Variants in UFSP2 observed in about 807,000 individuals in gnomAD.
The protein encoded by UFSP2 is ufm1-specific protease 2.
UFSP2 carries 43 observed loss-of-function variants against 60.2 expected under a neutral mutation model. The observed-to-expected ratio is 0.71, with a 90% CI of 0.56 to 0.92. UFSP2 has a LOEUF of 0.92. Among genes scored for constraint, UFSP2 ranks in the 40% least tolerant of loss-of-function variants. The pLI, the probability that UFSP2 is intolerant of heterozygous loss-of-function variation, is 0.00. For missense variants in UFSP2, 520 were observed against 575.0 expected (o/e 0.90, Z 0.98); for synonymous variants, 183 against 195.1 (o/e 0.94, Z 0.52).
At position 185,408,493 on chromosome 4, in the gene UFSP2, A is replaced by G. The variant is rs1385126750; in HGVS notation, c.832-58T>C. ...AACTTAGGATAGAAGTACATATTCT[A>G]TATATGCTCCCGAATTATGTTTAAT... On this transcript the variant is annotated intron_variant, in intron 7 of 11. Transcript: ENST00000264689. 2.6e-6 allele frequency: 4 copies of G among 1,520,348 alleles called. No individual in the cohort carries two copies. In the East Asian group the frequency reaches 6.8e-5, roughly 26 times the overall value. The allele number at this position is 1,520,348 out of a possible 1,614,324, so 94.2% of individuals were successfully genotyped here. A position where few individuals can be genotyped will look rare whatever the true frequency, so the allele number is the denominator to read the frequency against.
intron 10 of UFSP2, among the ~76,000 whole-genome samples, chr4:185,404,462 A>AT (rs370966574): frequency 5.5e-4 from 83 of 151,580 alleles, no homozygotes; most frequent in African/African-American, 2.0e-3. Context: ...CACCCAGCGA[A>AT]TTTTTTGTAT....
chr4:185,411,263 GT>G (rs1343303254), intron 7 of UFSP2, among the ~76,000 whole-genome samples: 2 of 151,716 alleles, frequency 1.3e-5, no homozygotes, highest in African/African-American at 2.4e-5. Context: ...AACTAAATTG[GT>G]TACTAAAAAT....
intron 6 of UFSP2, among the ~76,000 whole-genome samples, chr4:185,414,550 TCG>T (rs2095535008): frequency 6.6e-6 from 1 of 152,136 alleles, no homozygotes; most frequent in African/African-American, 2.4e-5. Context: ...CAGGGTATTC[TCG>T]CTCTCCCTAA....
In UFSP2 at chr4:185,401,240, A is replaced by C. The variant is rs2095512916; in HGVS notation, c.1324-762T>G. Among the ~76,000 whole-genome samples the C allele has an allele frequency of 2.0e-5, 3 of 152,180 alleles. No homozygotes were observed. In the South Asian group the frequency reaches 6.2e-4, roughly 31 times the overall value. On this transcript the variant is annotated intron_variant, in intron 11 of 11. Coordinates refer to ENST00000264689, the MANE Select transcript of UFSP2 (RefSeq NM_018359.5). ...CCTAATAAGATACACGTTGTCAAAA[A>C]ACAAGATAAAAGTAAAAAATCCTCT...
intron 1 of UFSP2, among the ~76,000 whole-genome samples, chr4:185,425,651 G>T (rs1380439975): frequency 6.6e-6 from 1 of 152,224 alleles, no homozygotes; most frequent in African/African-American, 2.4e-5. Context: ...CGTGTCCAAG[G>T]TGGCCGAGGC....
chr4:185,403,451 C>T (rs1223828240), intron 11 of UFSP2, 43 bp downstream of exon 11: 1 of 1,599,646 alleles, frequency 6.3e-7, no homozygotes, highest in Non-Finnish European at 8.5e-7. Context: ...TCATTTCTAG[C>T]TTCTTTGCCT....
intron 1 of UFSP2, among the ~76,000 whole-genome samples, 180 bp downstream of exon 1, chr4:185,425,685 CT>C (rs922541879): frequency 6.6e-6 from 1 of 152,018 alleles, no homozygotes; most frequent in Non-Finnish European, 1.5e-5. Context: ...GTGTAGGGCA[CT>C]TTCCCCCCGG....
Position 185,425,924 on chromosome 4 carries a change from C to T in UFSP2, c.-56G>A, listed in dbSNP as rs2095559510. 1 of 1,567,080 alleles carries T rather than the reference C, an allele frequency of 6.4e-7. No homozygotes were observed. Among genetic ancestry groups the T allele is most frequent in the Non-Finnish European group, 8.6e-7 (1 of 1,156,106 alleles). The stretch of plus-strand genomic sequence containing the variant: ...ACGCCTGCCCAAAAGTTCCGGGGGC[C>T]GGCCCTGAAGTGGTGTCACCGCACG... On this transcript the variant is annotated 5_prime_UTR_variant, in exon 1 of 12. Transcript: ENST00000264689.
Position 185,418,660 on chromosome 4 carries a change from T to C in UFSP2, c.193A>G (p.Ser65Gly). The C allele has an allele frequency of 6.2e-7, 1 of 1,614,030 alleles. No homozygotes were observed. The highest frequency in any genetic ancestry group is 8.5e-7 in the Non-Finnish European group (1 of 1,180,000). The change falls in exon 3 of 12, where the codon AGC becomes GGC. Residue 65 changes from serine to glycine, a missense_variant. Transcript: ENST00000264689. Reference protein sequence around the residue: ...ICHSSVYIWPSSDINTIPGEL... With the variant: ...ICHSSVYIWPGSDINTIPGEL... ...CCAGGAATGGTGTTTATGTCACTGCTAGGCCATATATACACTGAACTGTGG... is the reference window on the plus strand; with the variant it reads ...CCAGGAATGGTGTTTATGTCACTGCCAGGCCATATATACACTGAACTGTGG...
At chr4:185,411,852 G>A (rs952039538) in intron 7 of UFSP2, among the ~76,000 whole-genome samples, 1 of 152,192 alleles carries the variant, frequency 6.6e-6, no homozygotes, top group Non-Finnish European at 1.5e-5. Context: ...GAGTGAAAAA[G>A]CAAGCTGCAG....
chr4:185,413,945 G>T, intron 6 of UFSP2, 73 bp from the exon 7 acceptor site: 1 of 1,345,230 alleles, frequency 7.4e-7, no homozygotes. Context: ...AAATAAAGAT[G>T]TTATTAAACA....
chr4:185,414,454 T>C (rs1037476347), intron 6 of UFSP2, among the ~76,000 whole-genome samples: 1 of 152,180 alleles, frequency 6.6e-6, no homozygotes, highest in African/African-American at 2.4e-5. Flanking sequence ...ATGTTCTTTA[T>C]CATATCTTGT....
intron 11 of UFSP2, among the ~76,000 whole-genome samples, chr4:185,401,309 T>G (rs867387625): frequency 3.3e-5 from 5 of 152,186 alleles, no homozygotes; most frequent in African/African-American, 4.8e-5. Context: ...TAACCAGCAT[T>G]CTATTAATCA....
At position 185,405,847 on chromosome 4, in the gene UFSP2, T is replaced by C. The variant is rs778553361; in HGVS notation, c.1131A>G (p.Ser377=). 8 of 1,613,988 alleles carry C rather than the reference T, an allele frequency of 5.0e-6. No homozygotes were observed. The highest frequency in any genetic ancestry group is 6.8e-6 in the Non-Finnish European group (8 of 1,179,994). ...TSKILFVSQG[S]EIASQGRELA... Reference sequence around the variant, plus strand: ...GTTCCCGTCCTTGAGAGGCAATTTCTGAACCTTGGCTAGAAAGAAACCATT... The same window carrying C: ...GTTCCCGTCCTTGAGAGGCAATTTCCGAACCTTGGCTAGAAAGAAACCATT... Residue 377 remains serine (S), a synonymous_variant, in exon 10 of 12, where the codon TCA becomes TCG. Transcript: ENST00000264689.
intron 7 of UFSP2, among the ~76,000 whole-genome samples, chr4:185,411,819 A>G (rs2095529872): frequency 6.6e-6 from 1 of 152,252 alleles, no homozygotes; most frequent in Non-Finnish European, 1.5e-5. Flanking sequence ...ACAAAATACC[A>G]GAGATGTTTG....
At chr4:185,420,213 C>T (rs1054890919) in intron 2 of UFSP2, among the ~76,000 whole-genome samples, 2 of 151,884 alleles carry the variant, frequency 1.3e-5, no homozygotes, top group Non-Finnish European at 2.9e-5. Context: ...GTTATGTCAC[C>T]AACATATTTG....
chr4:185,404,293 G>GTTTTT (rs70962562), intron 10 of UFSP2, among the ~76,000 whole-genome samples: 6 of 80,478 alleles, frequency 7.5e-5, no homozygotes, highest in African/African-American at 1.7e-4. Context: ...CATTCATTAA[G>GTTTTT]TTTTTTTTTT....
chr4:185,407,199 C>T (rs573780589), intron 9 of UFSP2, among the ~76,000 whole-genome samples: 34 of 151,066 alleles, frequency 2.3e-4, no homozygotes, highest in African/African-American at 5.6e-4. Flanking sequence ...TACAGGCATG[C>T]GCCACCATAC....
At chr4:185,407,012 CTTTTCT>C (rs1181116046) in intron 9 of UFSP2, among the ~76,000 whole-genome samples, 33 of 71,340 alleles carry the variant, frequency 4.6e-4, no homozygotes, top group African/African-American at 1.7e-3. Context: ...TGTTTTTTGG[CTTTTCT>C]TTTTTTTTTT....
Sources: allele counts gnomAD v4.1 joint callset (sites outside exome capture counted in the v4.1 genomes callset), GRCh38; gene constraint gnomAD v4.1.1; transcripts MANE v1.5; gene names NCBI Gene and HGNC (gene_info 2026-07-23, HGNC 2026-07-21).